Variants in SLC47A2 observed in about 807,000 individuals in gnomAD.
SLC47A2 encodes solute carrier family 47 member 2.
In SLC47A2, 52 loss-of-function variants were observed where a neutral mutation model predicts 67.7. That is an observed-to-expected ratio of 0.77 (90% confidence interval 0.61 to 0.97). SLC47A2 has a LOEUF of 0.97. SLC47A2 is among the 50% of genes least tolerant of loss of function. The probability of loss-of-function intolerance (pLI) is 0.00; values close to 1 mark genes in which losing one functional copy is unlikely to be tolerated. For synonymous variants in SLC47A2, 278 were observed against 292.9 expected (o/e 0.95, Z 0.52); for missense variants, 676 against 712.3 (o/e 0.95, Z 0.58).
chr17:19,709,033 C>A (rs889411252), intron 5 of SLC47A2, among the ~76,000 whole-genome samples: 6 of 152,240 alleles, frequency 3.9e-5, no homozygotes, highest in Non-Finnish European at 8.8e-5. Flanking sequence ...ACTCTTTGCA[C>A]ACATGCTCAT....
In SLC47A2 at chr17:19,715,169, A is replaced by G. The variant is rs745723389; in HGVS notation, c.172T>C (p.Phe58Leu). 8 of 1,612,288 alleles carry G rather than the reference A, an allele frequency of 5.0e-6. No individual in the cohort carries two copies. The Admixed American group carries it at 8.3e-5, about 17-fold the overall frequency. Residue 58 changes from phenylalanine (F) to leucine (L), a missense_variant, in exon 2 of 17, where the codon TTC (phenylalanine) becomes CTC (leucine). Coordinates refer to ENST00000433844, the MANE Select transcript of SLC47A2 (RefSeq NM_001099646.3). The part of the protein sequence containing the change: ...TFMIYIVSTV[F>L]CGHLGKVELA... ...TCCACCTTGCCCAGGTGCCCGCAGA[A>G]CACAGTGCTCACGATGTAGATCATA... is the stretch of plus-strand genomic sequence containing the variant.
intron 10 of SLC47A2, 21 bp downstream of exon 10, chr17:19,705,415 G>C: frequency 6.2e-7 from 1 of 1,603,494 alleles, no homozygotes; most frequent in Non-Finnish European, 8.5e-7. Flanking sequence ...TGTGGGGAAG[G>C]CACCCCTGCA....
At chr17:19,712,449 G>A (rs2086126705) in intron 5 of SLC47A2, among the ~76,000 whole-genome samples, 2 of 152,158 alleles carry the variant, frequency 1.3e-5, no homozygotes, top group Non-Finnish European at 2.9e-5. Flanking sequence ...TAGAATTATA[G>A]GTGATTTGAA....
At chr17:19,686,899 G>C (rs1183446735) in intron 13 of SLC47A2, among the ~76,000 whole-genome samples, 1 of 152,088 alleles carries the variant, frequency 6.6e-6, no homozygotes, top group Non-Finnish European at 1.5e-5. Flanking sequence ...CCAGACAGAA[G>C]GTCAACATAG....
chr17:19,687,021 T>G (rs1413840804), intron 13 of SLC47A2, among the ~76,000 whole-genome samples: 1 of 152,136 alleles, frequency 6.6e-6, no homozygotes, highest in Non-Finnish European at 1.5e-5. Context: ...TATGGATCAT[T>G]CTCAAGGACA....
chr17:19,697,492 CAT>C (rs1442700820), intron 13 of SLC47A2, among the ~76,000 whole-genome samples: 1 of 152,184 alleles, frequency 6.6e-6, no homozygotes, highest in Non-Finnish European at 1.5e-5. Context: ...GTTACATAAA[CAT>C]ATGAACTTCG....
chr17:19,703,265 G>T (rs2085836905), intron 11 of SLC47A2, 98 bp from the exon 12 acceptor site: 3 of 1,112,106 alleles, frequency 2.7e-6, no homozygotes, highest in Non-Finnish European at 4.0e-6. Context: ...GTGCAAGTCA[G>T]CCCAGCCCTC....
intron 13 of SLC47A2, among the ~76,000 whole-genome samples, chr17:19,693,592 G>A (rs1393147089): frequency 6.7e-6 from 1 of 149,508 alleles, no homozygotes; most frequent in Admixed American, 6.9e-5. Flanking sequence ...GGCCAATGGT[G>A]AAACCCCGTC....
At chr17:19,714,079 C>T in intron 3 of SLC47A2, 106 bp from the exon 4 acceptor site, 1 of 1,455,926 alleles carries the variant, frequency 6.9e-7, no homozygotes, top group Non-Finnish European at 9.1e-7. Flanking sequence ...GTGGCGGACC[C>T]GGCGGCCTCT....
At chr17:19,714,998 G>T in intron 2 of SLC47A2, 118 bp downstream of exon 2, 1 of 1,306,300 alleles carries the variant, frequency 7.7e-7, no homozygotes, top group Non-Finnish European at 1.1e-6. Context: ...CAGCTGTCCA[G>T]CCACGTGGGC....
intron 9 of SLC47A2, 89 bp from the exon 10 acceptor site, chr17:19,705,592 A>G: frequency 1.6e-6 from 2 of 1,262,300 alleles, no homozygotes; most frequent in South Asian, 3.0e-5. Context: ...TTGGGGACTC[A>G]GGGGCTTTTT....
chr17:19,700,921 A>T (rs112178094), intron 13 of SLC47A2, among the ~76,000 whole-genome samples: 3,022 of 152,004 alleles, frequency 0.02, 84 homozygotes, highest in African/African-American at 0.069. Context: ...ATCCCAGCGC[A>T]TTTTGGGAAG....
rs981385278 is a variant in SLC47A2 at position 19,685,360 on chromosome 17, C to T, written c.1165-3690G>A. Among the ~76,000 whole-genome samples, 4 of 150,790 alleles carry T rather than the reference C, an allele frequency of 2.7e-5. No homozygotes were observed. Among genetic ancestry groups the T allele is most frequent in the African/African-American group, 4.9e-5 (2 of 40,956 alleles). ...TGGCCACCCCATCTGGGAAGTGAGG[C>T]GCGCCTCTGCCTGGCTGCCACCACG... On this transcript the variant is annotated intron_variant, in intron 13 of 16. Transcript: ENST00000433844. This position sits in a 1 kb window ranked among gnomAD's most constrained non-coding sequence, Gnocchi z 4.5.
chr17:19,706,306 C>G (rs2085933810), intron 9 of SLC47A2, among the ~76,000 whole-genome samples: 1 of 152,208 alleles, frequency 6.6e-6, no homozygotes, highest in Non-Finnish European at 1.5e-5. Context: ...CACCCGCAAA[C>G]CAACTGAATC....
intron 1 of SLC47A2, 27 bp from the exon 2 acceptor site, chr17:19,715,244 C>T (rs986848024): frequency 1.0e-5 from 16 of 1,597,018 alleles, no homozygotes; most frequent in East Asian, 2.2e-5. Flanking sequence ...AGGTCAGACT[C>T]GGGGCCACAG....
chr17:19,680,704 G>C (rs1042930745), intron 15 of SLC47A2, among the ~76,000 whole-genome samples: 2 of 152,128 alleles, frequency 1.3e-5, no homozygotes, highest in East Asian at 1.9e-4. Flanking sequence ...AGGATGGTGG[G>C]CAGGGTGATT....
chr17:19,692,870 T>C (rs1456198792), intron 13 of SLC47A2, among the ~76,000 whole-genome samples: 2 of 152,166 alleles, frequency 1.3e-5, no homozygotes, highest in Non-Finnish European at 2.9e-5. Context: ...CAGTGGCTCA[T>C]GCTTCTGATC....
At chr17:19,700,638 AC>A (rs2085760990) in intron 13 of SLC47A2, among the ~76,000 whole-genome samples, 1 of 151,672 alleles carries the variant, frequency 6.6e-6, no homozygotes, top group Non-Finnish European at 1.5e-5. Flanking sequence ...GGTAGTGCAC[AC>A]CTGTAGTCCC....
chr17:19,686,539 T>G (rs1326866572), intron 13 of SLC47A2, among the ~76,000 whole-genome samples: 1 of 152,112 alleles, frequency 6.6e-6, no homozygotes, highest in Non-Finnish European at 1.5e-5. Flanking sequence ...AACCCAATGA[T>G]CTGTTGCCTA....
Sources: allele counts gnomAD v4.1 joint callset (sites outside exome capture counted in the v4.1 genomes callset), GRCh38; gene constraint gnomAD v4.1.1; non-coding constraint Gnocchi (gnomAD v3.1); transcripts MANE v1.5; gene names NCBI Gene and HGNC (gene_info 2026-07-23, HGNC 2026-07-21).